The following TSC1 variants were observed in gnomAD, a reference collection of about 807,000 sequenced individuals.
TSC1 encodes the protein TSC complex subunit 1.
TSC1 carries 20 observed loss-of-function variants against 124.3 expected under a neutral mutation model. That is an observed-to-expected ratio of 0.16 (90% CI 0.11 to 0.23). The LOEUF (loss-of-function observed/expected upper bound fraction) is 0.23. Ranked by LOEUF, TSC1 falls within the 10% of genes least tolerant of loss-of-function variation. The pLI, the probability that TSC1 is intolerant of heterozygous loss-of-function variation, is 1.00. For synonymous variants in TSC1, 493 were observed against 539.1 expected (o/e 0.91, Z 1.19); for missense variants, 1,124 against 1,448.5 (o/e 0.78, Z 3.64).
In TSC1 at chr9:132,894,555, C is replaced by T. The variant is rs532372427; in HGVS notation, c.*1680G>A. On this transcript the variant is annotated 3_prime_UTR_variant, in exon 23 of 23. Transcript: ENST00000298552. The stretch of plus-strand genomic sequence containing the variant: ...GTGCTAGGCTGAGTAGTTGGGACCA[C>T]GCCCTGCCACAGGCTGGGAATCAGT... 7 of 228,542 alleles carry T rather than the reference C, an allele frequency of 3.1e-5. No homozygotes were observed. The highest frequency in any genetic ancestry group is 6.3e-5 in the East Asian group (1 of 15,986). 14.2% of individuals were successfully genotyped at this position (228,542 alleles called of 1,614,324 possible). A position where few individuals can be genotyped will look rare whatever the true frequency, so the allele number is the denominator to read the frequency against.
At chr9:132,928,530 G>A (rs1048662434) in intron 3 of TSC1, among the ~76,000 whole-genome samples, 4 of 152,162 alleles carry the variant, frequency 2.6e-5, no homozygotes, top group Admixed American at 6.5e-5. Context: ...GGAGAGTCAG[G>A]GAGGAAAGAA....
chr9:132,915,536 A>G (rs1846231186), intron 8 of TSC1, among the ~76,000 whole-genome samples: 1 of 152,242 alleles, frequency 6.6e-6, no homozygotes. Context: ...AATGAACAGA[A>G]TATTTAAAAT....
At chr9:132,931,994 G>C (rs1847228881) in intron 2 of TSC1, among the ~76,000 whole-genome samples, 1 of 152,220 alleles carries the variant, frequency 6.6e-6, no homozygotes, top group Non-Finnish European at 1.5e-5. Context: ...GGAAGCATCA[G>C]TGTGTTAGCC....
chr9:132,900,931 T>C (rs1257029219), intron 19 of TSC1, 94 bp from the exon 20 acceptor site: 13 of 1,586,074 alleles, frequency 8.2e-6, no homozygotes, highest in Non-Finnish European at 1.0e-5. Context: ...AGCACACTAT[T>C]TCAATGTTAA....
In TSC1 at chr9:132,944,565, T is replaced by A. The variant is rs886063626; in HGVS notation, c.-166A>T. Reference sequence around the variant, plus strand: ...CACCCACCGTCTCCTCCCCCTCAGCTGTTTACCTCACAGTCCCTCCAGCCT... The same window carrying A: ...CACCCACCGTCTCCTCCCCCTCAGCAGTTTACCTCACAGTCCCTCCAGCCT... On this transcript the variant is annotated 5_prime_UTR_variant, in exon 1 of 23. Coordinates refer to ENST00000298552, the MANE Select transcript of TSC1 (RefSeq NM_000368.5). 1.0e-5 allele frequency: 4 copies of A among 398,658 alleles called. No individual in the cohort carries two copies. Among genetic ancestry groups the A allele is most frequent in the Non-Finnish European group, 1.8e-5 (4 of 226,242 alleles). 24.7% of individuals were successfully genotyped at this position (398,658 alleles called of 1,614,324 possible).
chr9:132,914,056 C>A (rs1588332049), intron 8 of TSC1, among the ~76,000 whole-genome samples: 1 of 151,608 alleles, frequency 6.6e-6, no homozygotes, highest in East Asian at 2.0e-4. Context: ...CCGCCACCAT[C>A]CCCAGCCAAT....
intron 1 of TSC1, chr9:132,939,067 C>T (rs1489276630): frequency 6.6e-6 from 1 of 152,192 alleles, no homozygotes; most frequent in African/African-American, 2.4e-5. Flanking sequence ...AATTCAGACA[C>T]AGGTCCAGGC....
intron 15 of TSC1, among the ~76,000 whole-genome samples, chr9:132,904,818 CCTGT>C (rs1399467048): frequency 1.3e-5 from 2 of 152,180 alleles, no homozygotes; most frequent in Non-Finnish European, 2.9e-5. Flanking sequence ...CGTTTTCAAC[CCTGT>C]CTGTTGAAAT....
chr9:132,904,369 G>A, intron 16 of TSC1, 42 bp downstream of exon 16: 1 of 1,611,070 alleles, frequency 6.2e-7, no homozygotes, highest in Non-Finnish European at 8.5e-7. Context: ...AAGCAAGCAG[G>A]AACCATGTGG....
chr9:132,941,176 T>G (rs765504443), intron 1 of TSC1: 1 of 152,226 alleles, frequency 6.6e-6, no homozygotes, highest in Non-Finnish European at 1.5e-5. Context: ...CTGAATTCAT[T>G]CAACCGTAAA....
chr9:132,919,000 T>TG (rs1846403043), intron 8 of TSC1, among the ~76,000 whole-genome samples: 1 of 152,242 alleles, frequency 6.6e-6, no homozygotes, highest in Non-Finnish European at 1.5e-5. Context: ...GACAGTGACA[T>TG]GTTCTGAGAA....
chr9:132,920,755 G>C (rs1392880837), intron 8 of TSC1, among the ~76,000 whole-genome samples: 1 of 151,902 alleles, frequency 6.6e-6, no homozygotes, highest in Non-Finnish European at 1.5e-5. Flanking sequence ...GGAAGGAGCT[G>C]GGCCTCCCAC....
upstream of TSC1, chr9:132,944,699 T>C (rs1847992572): frequency 5.0e-6 from 2 of 398,136 alleles, no homozygotes; most frequent in Non-Finnish European, 8.9e-6. Flanking sequence ...CTCCCCTCCT[T>C]CTCGAAAGGA....
At chr9:132,899,877 T>A (rs960786625) in intron 20 of TSC1, 1 of 152,222 alleles carries the variant, frequency 6.6e-6, no homozygotes, top group Non-Finnish European at 1.5e-5. Flanking sequence ...TTTCTCCCCC[T>A]TTCTGTTCCC....
intron 1 of TSC1, chr9:132,943,449 A>C (rs553006615): frequency 6.6e-6 from 1 of 152,348 alleles, no homozygotes; most frequent in Admixed American, 6.5e-5. Flanking sequence ...TGGCTAAATG[A>C]TAAATTTTAA....
In TSC1 at chr9:132,895,473, A is replaced by G. The variant is rs1588284272; in HGVS notation, c.*762T>C. 4.3e-6 allele frequency: 1 copy of G among 233,820 alleles called. No individual in the cohort carries two copies. Among genetic ancestry groups the G allele is most frequent in the Non-Finnish European group, 8.5e-6 (1 of 118,208 alleles). The allele number at this position is 233,820 out of a possible 1,614,324, so 14.5% of individuals were successfully genotyped here. On this transcript the variant is annotated 3_prime_UTR_variant, in exon 23 of 23. Transcript: ENST00000298552. ...ACCTACACACCAGCCTGTGGTCACAATAGTACCAGCATTCAAGCAAACACC... is the reference window on the plus strand; with the variant it reads ...ACCTACACACCAGCCTGTGGTCACAGTAGTACCAGCATTCAAGCAAACACC...
chr9:132,903,543 G>A lies in TSC1; in HGVS notation c.2208+108C>T, dbSNP rs985957113. On this transcript the variant is annotated intron_variant, in intron 17 of 22. Transcript: ENST00000298552. The surrounding 1 kb of genome is among the most constrained non-coding windows in gnomAD (Gnocchi z 5.9). The stretch of plus-strand genomic sequence containing the variant: ...TCAAGCGACCTGCCCAAAGGAGTGG[G>A]AAGGACTGGGAACTCTGACCTCCTC... 6.6e-7 allele frequency: 1 copy of A among 1,524,076 alleles called. No individual in the cohort carries two copies. The highest frequency in any genetic ancestry group is 9.1e-7 in the Non-Finnish European group (1 of 1,104,016). The allele number at this position is 1,524,076 out of a possible 1,614,324, so 94.4% of individuals were successfully genotyped here.
In TSC1 at chr9:132,921,332, T is replaced by G. The variant is rs1260210535; in HGVS notation, c.737+31A>C. The G allele has an allele frequency of 6.2e-7, 1 of 1,607,232 alleles. No homozygotes were observed. Among genetic ancestry groups the G allele is most frequent in the South Asian group, 1.1e-5 (1 of 90,918 alleles). The stretch of plus-strand genomic sequence containing the variant: ...ATCACATTTTCAATCTCTCGAAAGA[T>G]TCTTTAAAATTTTGACACTAGTTTC... On this transcript the variant is annotated intron_variant, in intron 8 of 22. Transcript: ENST00000298552. This position sits in a 1 kb window ranked among gnomAD's most constrained non-coding sequence, Gnocchi z 4.3.
At chr9:132,942,729 C>T (rs1397945986) in intron 1 of TSC1, among the ~76,000 whole-genome samples, 1 of 152,188 alleles carries the variant, frequency 6.6e-6, no homozygotes, top group Non-Finnish European at 1.5e-5. Context: ...ACATCATCTG[C>T]CCTTCTAGGC....
Sources: gnomAD v4.1 joint callset for allele counts (sites outside exome capture counted in the v4.1 genomes callset) on GRCh38, gnomAD v4.1.1 for gene constraint, Gnocchi (gnomAD v3.1) non-coding constraint, MANE v1.5 for transcripts, NCBI Gene and HGNC (gene_info 2026-07-23, HGNC 2026-07-21) for gene names.